The following C3orf20 variants were observed in gnomAD, a reference collection of about 807,000 sequenced individuals.
The protein encoded by C3orf20 is family with sequence similarity 149 member C, also known as uncharacterized protein C3orf20.
Under a neutral mutation model 88.3 loss-of-function variants are expected in C3orf20, and 76 were observed. The ratio of observed to expected loss-of-function variants is 0.86; its 90% CI spans 0.72 to 1.04. C3orf20 has a LOEUF of 1.04. Among genes scored for constraint, C3orf20 ranks in the 50% least tolerant of loss-of-function variants. C3orf20 has a pLI of 0.00. For missense variants in C3orf20, 1,056 were observed against 1,123.3 expected, an observed-to-expected ratio of 0.94 and a Z score of 0.86; for synonymous variants, 436 against 437.4, an observed-to-expected ratio of 1.00 and a Z score of 0.04.
intron 12 of C3orf20, among the ~76,000 whole-genome samples, chr3:14,735,359 A>G (rs2034672981): frequency 1.3e-5 from 2 of 151,652 alleles, no homozygotes; most frequent in Non-Finnish European, 2.9e-5. Flanking sequence ...GTTTCTCCAT[A>G]TATTATTTAA....
intron 15 of C3orf20, among the ~76,000 whole-genome samples, chr3:14,762,952 G>A (rs1056254697): frequency 1.3e-5 from 2 of 152,188 alleles, no homozygotes; most frequent in African/African-American, 4.8e-5. Context: ...AGGCCCAGGA[G>A]GAGCCTGTGG....
chr3:14,705,334 T>C (rs2033455411), intron 7 of C3orf20, among the ~76,000 whole-genome samples: 1 of 152,252 alleles, frequency 6.6e-6, no homozygotes, highest in Non-Finnish European at 1.5e-5. Flanking sequence ...TGTCTTTGGA[T>C]CTGAGTTTGA....
In C3orf20 at chr3:14,772,331, C is replaced by T. The variant is rs1314805324; in HGVS notation, c.2630+130C>T. ...TGTCCAACCATCGCTGACATCTAGC[C>T]CATGTAATCAACACAATATTGGGCG... On this transcript the variant is annotated intron_variant, in intron 16 of 16. Transcript: ENST00000253697. The surrounding 1 kb of genome is among the most constrained non-coding windows in gnomAD (Gnocchi z 4.2). 2 of 1,133,120 alleles carry T rather than the reference C, an allele frequency of 1.8e-6. No individual in the cohort carries two copies. Among genetic ancestry groups the T allele is most frequent in the Non-Finnish European group, 2.5e-6 (2 of 786,782 alleles). The allele number at this position is 1,133,120 out of a possible 1,614,324, so 70.2% of individuals were successfully genotyped here. A position where few individuals can be genotyped will look rare whatever the true frequency, so the allele number is the denominator to read the frequency against.
intron 12 of C3orf20, 25 bp from the exon 13 acceptor site, chr3:14,757,346 C>G: frequency 4.4e-6 from 7 of 1,597,068 alleles, no homozygotes; most frequent in Non-Finnish European, 5.1e-6. Context: ...CTGAGGGTCC[C>G]TGTGCACTGT....
intron 12 of C3orf20, among the ~76,000 whole-genome samples, chr3:14,733,448 TTTC>T (rs2034604190): frequency 6.6e-6 from 1 of 152,220 alleles, no homozygotes; most frequent in Non-Finnish European, 1.5e-5. Context: ...GTCAGAAGTA[TTTC>T]TTCTTTATCT....
chr3:14,760,429 A>T (rs150268880), intron 14 of C3orf20, among the ~76,000 whole-genome samples: 2 of 152,312 alleles, frequency 1.3e-5, no homozygotes, highest in East Asian at 3.9e-4. Context: ...ACAGATATGT[A>T]CCTGGCACCT....
At chr3:14,722,633 C>T (rs1009093824) in intron 10 of C3orf20, 17 of 455,172 alleles carry the variant, frequency 3.7e-5, no homozygotes, top group South Asian at 2.5e-4. Context: ...AGACTGCTTT[C>T]GTTTCAAGTC....
In C3orf20 at chr3:14,682,590, C is replaced by A; in HGVS notation, c.-124C>A. On this transcript the variant is annotated 5_prime_UTR_variant, in exon 3 of 17. Coordinates refer to ENST00000253697, the MANE Select transcript of C3orf20 (RefSeq NM_032137.5). ...CCTTTCCGGATAGGAACCACTGGCT[C>A]AATGACCTGTAAGGGCCGTTTCAGC... 1 of 1,276,264 alleles carries A rather than the reference C, an allele frequency of 7.8e-7. No homozygotes were observed. Among genetic ancestry groups the A allele is most frequent in the Non-Finnish European group, 1.1e-6 (1 of 929,428 alleles). 79.1% of individuals were successfully genotyped at this position (1,276,264 alleles called of 1,614,324 possible).
At chr3:14,738,424 G>A (rs952810548) in intron 12 of C3orf20, among the ~76,000 whole-genome samples, 8 of 151,128 alleles carry the variant, frequency 5.3e-5, no homozygotes, top group Non-Finnish European at 1.0e-4. Flanking sequence ...CACCTTCTGG[G>A]TTCATGCCAT....
intron 12 of C3orf20, among the ~76,000 whole-genome samples, chr3:14,756,626 G>A (rs1275391010): frequency 6.6e-6 from 1 of 152,184 alleles, no homozygotes; most frequent in Non-Finnish European, 1.5e-5. Context: ...AGCCTTGTGA[G>A]AGTGACATAA....
chr3:14,678,604 C>T (rs1448922110), intron 1 of C3orf20, among the ~76,000 whole-genome samples: 1 of 152,236 alleles, frequency 6.6e-6, no homozygotes, highest in Non-Finnish European at 1.5e-5. Context: ...ATGGTCATCC[C>T]TCATATCCTT....
At chr3:14,689,267 G>C (rs2032594546) in intron 4 of C3orf20, among the ~76,000 whole-genome samples, 1 of 152,130 alleles carries the variant, frequency 6.6e-6, no homozygotes, top group Admixed American at 6.5e-5. Context: ...TAGCAGAGGT[G>C]ATTACTTTTG....
intron 4 of C3orf20, among the ~76,000 whole-genome samples, chr3:14,688,552 A>G (rs1333855460): frequency 6.6e-6 from 1 of 151,558 alleles, no homozygotes; most frequent in Non-Finnish European, 1.5e-5. Context: ...AAAAAGAAAA[A>G]AAAGAAAAGA....
intron 15 of C3orf20, among the ~76,000 whole-genome samples, chr3:14,771,460 AG>A (rs2035856243): frequency 6.6e-6 from 1 of 152,270 alleles, no homozygotes. Context: ...AGAAGCTGCT[AG>A]GGAGGCTCAG....
In C3orf20 at chr3:14,761,580, G is replaced by A; in HGVS notation, c.2460G>A (p.Lys820=). ...TCTTCCGGTCTCAACAGGATTACAA[G>A]ATGGGCTACTTCCTGCCGGATGACT... is the stretch of plus-strand genomic sequence containing the variant. ...KQIFRSQQDY[K]MGYFLPDDYK... The change falls in exon 15 of 17, where the codon AAG becomes AAA. Residue 820 remains lysine, a synonymous_variant. Coordinates refer to ENST00000253697, the MANE Select transcript of C3orf20 (RefSeq NM_032137.5). The A allele has an allele frequency of 1.2e-6, 2 of 1,614,106 alleles. No individual in the cohort carries two copies. Among genetic ancestry groups the A allele is most frequent in the Non-Finnish European group, 8.5e-7 (1 of 1,180,028 alleles).
intron 12 of C3orf20, among the ~76,000 whole-genome samples, chr3:14,728,998 GA>G (rs1196055755): frequency 1.3e-5 from 2 of 152,262 alleles, no homozygotes; most frequent in African/African-American, 2.4e-5. Context: ...AGAAAAAAAT[GA>G]GAAGATTTCA....
At chr3:14,754,565 T>G (rs1405683702) in intron 12 of C3orf20, among the ~76,000 whole-genome samples, 1 of 152,226 alleles carries the variant, frequency 6.6e-6, no homozygotes, top group East Asian at 1.9e-4. Context: ...GCAAGTTTTT[T>G]CATTAGATTC....
chr3:14,732,937 C>T (rs2034586076), intron 12 of C3orf20, among the ~76,000 whole-genome samples: 1 of 152,094 alleles, frequency 6.6e-6, no homozygotes. Context: ...ATTGTTCCAA[C>T]AGTACTTTTT....
chr3:14,738,545 A>T (rs1164179169), intron 12 of C3orf20, among the ~76,000 whole-genome samples: 1 of 147,104 alleles, frequency 6.8e-6, no homozygotes, highest in Non-Finnish European at 1.5e-5. Flanking sequence ...GTTAGCTAGG[A>T]TGGTCTCGAT....
Sources: allele counts gnomAD v4.1 joint callset (sites outside exome capture counted in the v4.1 genomes callset), GRCh38; gene constraint gnomAD v4.1.1; non-coding constraint Gnocchi (gnomAD v3.1); transcripts MANE v1.5; gene names NCBI Gene and HGNC (gene_info 2026-07-23, HGNC 2026-07-21).